Variants in SPAG16 observed in about 807,000 individuals in gnomAD.
SPAG16 encodes the protein sperm associated antigen 16.
A neutral mutation model predicts 80.4 loss-of-function variants in SPAG16; 86 were observed. That is an observed-to-expected ratio of 1.07 (90% CI 0.90 to 1.28). The LOEUF (loss-of-function observed/expected upper bound fraction) is 1.28, where lower values mean the gene tolerates loss of function less well. Among genes scored for constraint, SPAG16 ranks in the 50% most tolerant of loss-of-function variants. SPAG16 has a pLI of 0.00. For synonymous variants in SPAG16, 294 were observed against 265.9 expected, an observed-to-expected ratio of 1.11 and a Z score of -1.03; for missense variants, 870 against 765.3, an observed-to-expected ratio of 1.14 and a Z score of -1.61.
chr2:213,468,126 T>C (rs1409163479), intron 9 of SPAG16, among the ~76,000 whole-genome samples: 1 of 152,062 alleles, frequency 6.6e-6, no homozygotes, highest in African/African-American at 2.4e-5. Flanking sequence ...GGATTAGTTG[T>C]CCCTCAAATG....
intron 1 of SPAG16, among the ~76,000 whole-genome samples, chr2:213,294,850 C>G (rs539190912): frequency 6.6e-6 from 1 of 152,126 alleles, no homozygotes; most frequent in Non-Finnish European, 1.5e-5. Flanking sequence ...ATGGTGAAAC[C>G]TAAACATCTG....
chr2:214,081,571 G>T (rs2051396732), intron 13 of SPAG16, among the ~76,000 whole-genome samples: 1 of 152,188 alleles, frequency 6.6e-6, no homozygotes. Flanking sequence ...AGGACTGCCA[G>T]CCGTCACCAG....
In SPAG16 at chr2:213,490,226, C is replaced by T. The variant is rs1472023921; in HGVS notation, c.1070+136C>T. 21 of 781,894 alleles carry T rather than the reference C, an allele frequency of 2.7e-5. No individual in the cohort carries two copies. In the East Asian group the frequency reaches 6.2e-4, roughly 23 times the overall value. 48.4% of individuals were successfully genotyped at this position (781,894 alleles called of 1,614,324 possible). A position where few individuals can be genotyped will look rare whatever the true frequency, so the allele number is the denominator to read the frequency against. ...ATTGCTACTCATAGCATGAAAGAAT[C>T]TGCTTATAGTAGCTGTAAGAATCTT... On this transcript the variant is annotated intron_variant, in intron 10 of 15. Transcript: ENST00000331683.
intron 11 of SPAG16, among the ~76,000 whole-genome samples, chr2:213,922,581 A>G (rs534606080): frequency 2.0e-5 from 3 of 152,164 alleles, no homozygotes; most frequent in Non-Finnish European, 4.4e-5. Context: ...TAGTATGATT[A>G]TTTAGAGGAA....
At chr2:213,440,542 G>A (rs182962938) in intron 9 of SPAG16, among the ~76,000 whole-genome samples, 1 of 151,830 alleles carries the variant, frequency 6.6e-6, no homozygotes, top group Non-Finnish European at 1.5e-5. Context: ...GTGACAGAGC[G>A]AGACTCCATC....
At chr2:213,610,786 TGAG>T (rs924437396) in intron 10 of SPAG16, among the ~76,000 whole-genome samples, 5 of 152,188 alleles carry the variant, frequency 3.3e-5, no homozygotes, top group African/African-American at 1.2e-4. Flanking sequence ...AAAAAGGTCA[TGAG>T]GAGATGTGCT....
At chr2:213,714,885 G>C (rs186760325) in intron 10 of SPAG16, among the ~76,000 whole-genome samples, 5 of 152,088 alleles carry the variant, frequency 3.3e-5, no homozygotes, top group Non-Finnish European at 5.9e-5. Flanking sequence ...GCCAGACATC[G>C]GGAACCCAAC....
chr2:214,101,420 T>G (rs1202665292), intron 13 of SPAG16, among the ~76,000 whole-genome samples: 1 of 152,086 alleles, frequency 6.6e-6, no homozygotes, highest in Non-Finnish European at 1.5e-5. Context: ...ATGTTGTTTG[T>G]TTCTGCCAGA....
At chr2:213,685,019 C>T (rs979539467) in intron 10 of SPAG16, among the ~76,000 whole-genome samples, 1 of 152,124 alleles carries the variant, frequency 6.6e-6, no homozygotes, top group South Asian at 2.1e-4. Context: ...AGAGGTTGCC[C>T]TGGAGTTTAG....
rs1229573910 is a variant in SPAG16 at position 213,692,342 on chromosome 2, A to G, written c.1071-170143A>G. On this transcript the variant is annotated intron_variant, in intron 10 of 15. Coordinates refer to ENST00000331683, the MANE Select transcript of SPAG16 (RefSeq NM_024532.5). The stretch of plus-strand genomic sequence containing the variant: ...ATTTGAGTTGTGCATATTTATTTAC[A>G]TTAATTTCACTTCACTTAATGGAAT... 3.9e-5 allele frequency among the ~76,000 whole-genome samples: 6 copies of G among 152,202 alleles called. 1 individual carries two copies. The highest frequency in any genetic ancestry group is 3.9e-4 in the Admixed American group (6 of 15,280).
chr2:214,254,514 G>A (rs542385080), intron 15 of SPAG16, among the ~76,000 whole-genome samples: 74 of 151,742 alleles, frequency 4.9e-4, no homozygotes, highest in African/African-American at 1.7e-3. Context: ...GAATTTAGGC[G>A]GGCTGTATAT....
intron 15 of SPAG16, among the ~76,000 whole-genome samples, chr2:214,169,785 C>T (rs1382925370): frequency 1.3e-5 from 2 of 151,910 alleles, no homozygotes; most frequent in African/African-American, 2.4e-5. Flanking sequence ...ATCCTTAAAG[C>T]GTTTGAGCCT....
chr2:213,936,997 T>A (rs2079017265), intron 12 of SPAG16, among the ~76,000 whole-genome samples: 1 of 152,172 alleles, frequency 6.6e-6, no homozygotes, highest in Non-Finnish European at 1.5e-5. Context: ...ATTGTTATGA[T>A]GAATTACCTT....
intron 10 of SPAG16, among the ~76,000 whole-genome samples, chr2:213,585,820 T>C (rs564788693): frequency 1.3e-5 from 2 of 152,340 alleles, no homozygotes; most frequent in African/African-American, 4.8e-5. Context: ...CAAATCATTT[T>C]TGAAAGTGAC....
intron 10 of SPAG16, among the ~76,000 whole-genome samples, chr2:213,591,503 A>C (rs968071889): frequency 6.6e-6 from 1 of 152,200 alleles, no homozygotes; most frequent in Non-Finnish European, 1.5e-5. Flanking sequence ...AACTATTTGA[A>C]ATCATTTTAT....
At chr2:213,790,655 G>C (rs996450071) in intron 10 of SPAG16, among the ~76,000 whole-genome samples, 2 of 151,932 alleles carry the variant, frequency 1.3e-5, no homozygotes, top group South Asian at 4.1e-4. Context: ...GAGCATACCA[G>C]TATTGTGTAT....
chr2:214,337,058 A>G (rs1178523955), intron 15 of SPAG16, among the ~76,000 whole-genome samples: 1 of 150,668 alleles, frequency 6.6e-6, no homozygotes, highest in African/African-American at 2.4e-5. Context: ...CCAGTCCCCC[A>G]TTTCTGAAAG....
At chr2:214,155,469 G>A (rs1467848049) in intron 15 of SPAG16, among the ~76,000 whole-genome samples, 1 of 151,846 alleles carries the variant, frequency 6.6e-6, no homozygotes, top group Non-Finnish European at 1.5e-5. Flanking sequence ...TTGAGCATTT[G>A]CAGCAGAGAT....
At chr2:214,255,004 G>A (rs553397409) in intron 15 of SPAG16, among the ~76,000 whole-genome samples, 1 of 152,164 alleles carries the variant, frequency 6.6e-6, no homozygotes, top group South Asian at 2.1e-4. Context: ...GGATAATGGT[G>A]TAACTTCCTG....
Sources: allele counts gnomAD v4.1 joint callset (sites outside exome capture counted in the v4.1 genomes callset), GRCh38; gene constraint gnomAD v4.1.1; transcripts MANE v1.5; gene names NCBI Gene and HGNC (gene_info 2026-07-23, HGNC 2026-07-21).